AOAH: variants seen among roughly 807,000 people sequenced by gnomAD.
AOAH encodes the protein acyloxyacyl hydrolase (neutrophil).
Under a neutral mutation model 92.2 loss-of-function variants are expected in AOAH, and 64 were observed. The ratio of observed to expected loss-of-function variants is 0.69; its 90% confidence interval spans 0.57 to 0.86. The LOEUF is 0.86. AOAH is among the 40% of genes least tolerant of loss of function. The pLI, the probability that AOAH is intolerant of heterozygous loss-of-function variation, is 0.00. For missense variants in AOAH, 656 were observed against 694.6 expected, an observed-to-expected ratio of 0.94 and a Z score of 0.62; for synonymous variants, 263 against 254.5, an observed-to-expected ratio of 1.03 and a Z score of -0.32.
intron 3 of AOAH, among the ~76,000 whole-genome samples, chr7:36,663,258 TATC>T: frequency 6.6e-6 from 1 of 152,276 alleles, no homozygotes; most frequent in East Asian, 1.9e-4. Context: ...GCTCCCCTAT[TATC>T]ATTATCTGCC....
At chr7:36,530,559 T>C in intron 18 of AOAH, 45 bp from the exon 19 acceptor site, 1 of 1,326,102 alleles carries the variant, frequency 7.5e-7, no homozygotes, top group Non-Finnish European at 1.1e-6. Flanking sequence ...ATCTAGACTT[T>C]GGCTTTAGTG....
intron 11 of AOAH, among the ~76,000 whole-genome samples, chr7:36,596,889 A>G (rs1790165220): frequency 2.0e-5 from 3 of 152,208 alleles, no homozygotes; most frequent in Non-Finnish European, 4.4e-5. Flanking sequence ...CTAAGACATG[A>G]ACCCCTTTAC....
Position 36,569,935 on chromosome 7 carries a change from A to G in AOAH, c.1021+6639T>C, listed in dbSNP as rs991419557. Among the ~76,000 whole-genome samples the G allele has an allele frequency of 3.3e-5, 5 of 152,066 alleles. No individual in the cohort carries two copies. In the East Asian group the frequency reaches 7.7e-4, roughly 23 times the overall value. Reference sequence around the variant, plus strand: ...GCCCCTACTTAAAAATATATTTTATACCACTTTAATATTTGTTTTTCTTCT... The same window carrying G: ...GCCCCTACTTAAAAATATATTTTATGCCACTTTAATATTTGTTTTTCTTCT... On this transcript the variant is annotated intron_variant, in intron 13 of 20. Coordinates refer to ENST00000617537, the MANE Select transcript of AOAH (RefSeq NM_001637.4).
At position 36,724,142 on chromosome 7, in the gene AOAH, A is replaced by G. The variant is rs894934797; in HGVS notation, c.7T>C (p.Ser3Pro). 9 of 1,612,844 alleles carry G rather than the reference A, an allele frequency of 5.6e-6. No individual in the cohort carries two copies. The highest frequency in any genetic ancestry group is 7.6e-6 in the Non-Finnish European group (9 of 1,179,250). MQ[S>P]PWKILTVAPL... is the part of the protein sequence containing the mutation. ...GCCACCGTAAGGATTTTCCAGGGGG[A>G]CTGCATCTCCGAGCTATGCACCCCA... Residue 3 changes from serine (S) to proline (P), a missense_variant, in exon 1 of 21, where the codon TCC becomes CCC. Coordinates refer to ENST00000617537, the MANE Select transcript of AOAH (RefSeq NM_001637.4).
At chr7:36,714,640 G>T (rs1455559695) in intron 1 of AOAH, among the ~76,000 whole-genome samples, 1 of 152,084 alleles carries the variant, frequency 6.6e-6, no homozygotes, top group Admixed American at 6.5e-5. Flanking sequence ...TGATCAAGTG[G>T]GCTTCATCCC....
At chr7:36,540,273 T>C in intron 16 of AOAH, 46 bp downstream of exon 16, 1 of 1,512,210 alleles carries the variant, frequency 6.6e-7, no homozygotes, top group South Asian at 1.3e-5. Context: ...TTGAACTGTA[T>C]ATACATTGAT....
At chr7:36,644,465 T>C (rs2116381546) in intron 4 of AOAH, among the ~76,000 whole-genome samples, 1 of 152,308 alleles carries the variant, frequency 6.6e-6, no homozygotes, top group Middle Eastern at 3.4e-3. Flanking sequence ...GATTGTGCAT[T>C]TCCTAAACAT....
At chr7:36,634,662 T>G (rs574806260) in intron 5 of AOAH, among the ~76,000 whole-genome samples, 1 of 152,202 alleles carries the variant, frequency 6.6e-6, no homozygotes, top group African/African-American at 2.4e-5. Context: ...ACTTCGGAAA[T>G]ACAGACACTA....
At chr7:36,641,322 G>GC (rs970715357) in intron 4 of AOAH, among the ~76,000 whole-genome samples, 3 of 152,116 alleles carry the variant, frequency 2.0e-5, no homozygotes, top group East Asian at 3.9e-4. Flanking sequence ...CATTCTAGAA[G>GC]CCCCCCCTCC....
At position 36,628,875 on chromosome 7, in the gene AOAH, T is replaced by C. The variant is rs561541402; in HGVS notation, c.521+3161A>G. Among the ~76,000 whole-genome samples, 3 of 152,302 alleles carry C rather than the reference T, an allele frequency of 2.0e-5. No individual in the cohort carries two copies. In the East Asian group the frequency reaches 5.8e-4, roughly 29 times the overall value. ...GGCATTTAAAACCTACTTGTTCCTC[T>C]AAAGCGTAGGGCTAAGAGTTGAGGG... On this transcript the variant is annotated intron_variant, in intron 6 of 20. Coordinates refer to ENST00000617537, the MANE Select transcript of AOAH (RefSeq NM_001637.4).
At chr7:36,562,732 T>C (rs1014436593) in intron 13 of AOAH, among the ~76,000 whole-genome samples, 28 of 152,290 alleles carry the variant, frequency 1.8e-4, no homozygotes, top group Non-Finnish European at 4.0e-4. Context: ...CTAGTACTTT[T>C]TGGTTCCCTG....
At chr7:36,681,380 T>C (rs563675659) in intron 2 of AOAH, among the ~76,000 whole-genome samples, 2 of 152,282 alleles carry the variant, frequency 1.3e-5, no homozygotes, top group East Asian at 3.9e-4. Flanking sequence ...CCTTAACATG[T>C]ATAGATCTTA....
chr7:36,646,297 T>C (rs955908061), intron 4 of AOAH, among the ~76,000 whole-genome samples: 2 of 152,210 alleles, frequency 1.3e-5, no homozygotes, highest in Non-Finnish European at 2.9e-5. Flanking sequence ...CTAATACCAT[T>C]GTTCCATTTT....
intron 20 of AOAH, among the ~76,000 whole-genome samples, chr7:36,515,889 C>G (rs1783659576): frequency 7.4e-6 from 1 of 135,472 alleles, no homozygotes; most frequent in African/African-American, 2.8e-5. Flanking sequence ...ACACACCATG[C>G]ACACCACACC....
At chr7:36,559,008 C>T (rs541292119) in intron 13 of AOAH, among the ~76,000 whole-genome samples, 2 of 152,262 alleles carry the variant, frequency 1.3e-5, no homozygotes, top group South Asian at 2.1e-4. Context: ...GTCTGGCACT[C>T]CCTAGTGAGA....
At chr7:36,521,936 TG>T in intron 20 of AOAH, 102 bp downstream of exon 20, 1 of 1,015,454 alleles carries the variant, frequency 9.8e-7, no homozygotes, top group Non-Finnish European at 1.5e-6. Flanking sequence ...AAATCCTTTC[TG>T]GAACAAAACA....
At chr7:36,620,396 T>A (rs562497028) in intron 9 of AOAH, among the ~76,000 whole-genome samples, 2 of 151,876 alleles carry the variant, frequency 1.3e-5, no homozygotes, top group South Asian at 2.1e-4. Flanking sequence ...CCGGCTAGGC[T>A]TATGAAACAG....
At chr7:36,515,222 ACACACCACACCCCTTACAACCC>A in intron 20 of AOAH, among the ~76,000 whole-genome samples, 1 of 130,620 alleles carries the variant, frequency 7.7e-6, no homozygotes, top group Non-Finnish European at 1.6e-5. Flanking sequence ...CACACACACC[ACACACCACACCCCTTACAACCC>A]CACACCACAC....
At chr7:36,691,903 G>T (rs1326604187) in intron 1 of AOAH, among the ~76,000 whole-genome samples, 3 of 152,128 alleles carry the variant, frequency 2.0e-5, no homozygotes, top group Non-Finnish European at 2.9e-5. Context: ...GAGCCAACCT[G>T]CTGGAAAGGC....
Sources: allele counts gnomAD v4.1 joint callset (sites outside exome capture counted in the v4.1 genomes callset), GRCh38; gene constraint gnomAD v4.1.1; transcripts MANE v1.5; gene names NCBI Gene and HGNC (gene_info 2026-07-23, HGNC 2026-07-21).